XRCC4: variants seen among roughly 807,000 people sequenced by gnomAD.
The protein encoded by XRCC4 is DNA repair protein XRCC4.
XRCC4 carries 28 observed loss-of-function variants against 39.1 expected under a neutral mutation model. The ratio of observed to expected loss-of-function variants is 0.72; its 90% CI spans 0.53 to 0.98. The LOEUF is 0.98. XRCC4 is among the 50% of genes least tolerant of loss of function. The probability of loss-of-function intolerance (pLI) is 0.00; values close to 1 mark genes in which losing one functional copy is unlikely to be tolerated. For missense variants in XRCC4, 350 were observed against 376.4 expected (o/e 0.93, Z 0.58); for synonymous variants, 123 against 126.4 (o/e 0.97, Z 0.18).
chr5:83,202,874 T>C (rs1245419098), intron 4 of XRCC4, among the ~76,000 whole-genome samples: 1 of 152,214 alleles, frequency 6.6e-6, no homozygotes, highest in East Asian at 1.9e-4. Flanking sequence ...ATTTGAGCAG[T>C]ATGGGATGAA....
intron 1 of XRCC4, among the ~76,000 whole-genome samples, chr5:83,094,422 T>C (rs896132768): frequency 1.9e-4 from 27 of 145,014 alleles, no homozygotes; most frequent in African/African-American, 6.6e-4. Flanking sequence ...CCTCCCCTCT[T>C]CTTTCCTTTC....
At chr5:83,281,939 C>T (rs1365688899) in intron 7 of XRCC4, among the ~76,000 whole-genome samples, 1 of 152,118 alleles carries the variant, frequency 6.6e-6, no homozygotes, top group Non-Finnish European at 1.5e-5. Flanking sequence ...AGATCATTGT[C>T]CAAAGACAAC....
At chr5:83,176,035 T>TAAC (rs1190190328) in intron 3 of XRCC4, among the ~76,000 whole-genome samples, 2 of 151,222 alleles carry the variant, frequency 1.3e-5, no homozygotes, top group Non-Finnish European at 2.9e-5. Flanking sequence ...CTATATAAAA[T>TAAC]AATAATAATA....
intron 6 of XRCC4, among the ~76,000 whole-genome samples, chr5:83,206,502 G>C: frequency 6.6e-6 from 1 of 152,134 alleles, no homozygotes; most frequent in East Asian, 1.9e-4. Context: ...CATATTCACT[G>C]GATTGGTGAA....
chr5:83,287,928 T>C (rs1754789798), intron 7 of XRCC4, among the ~76,000 whole-genome samples: 1 of 151,800 alleles, frequency 6.6e-6, no homozygotes. Context: ...TTTAAGGCTA[T>C]AAATTTCCTC....
At chr5:83,275,199 A>G (rs1271461231) in intron 7 of XRCC4, among the ~76,000 whole-genome samples, 1 of 152,164 alleles carries the variant, frequency 6.6e-6, no homozygotes, top group Non-Finnish European at 1.5e-5. Context: ...AGCTTGAAAA[A>G]CTGGGTAAAT....
intron 7 of XRCC4, among the ~76,000 whole-genome samples, chr5:83,264,930 A>G (rs961622630): frequency 9.2e-5 from 14 of 152,144 alleles, no homozygotes; most frequent in Admixed American, 4.6e-4. Context: ...GGAAGGCTAT[A>G]ACAATTTGTA....
At chr5:83,090,087 G>T (rs1745353783) in intron 1 of XRCC4, among the ~76,000 whole-genome samples, 2 of 152,108 alleles carry the variant, frequency 1.3e-5, no homozygotes. Context: ...GTTTCACTCT[G>T]TCACCCAGGT....
At chr5:83,134,021 G>A (rs915392274) in intron 3 of XRCC4, among the ~76,000 whole-genome samples, 1 of 152,212 alleles carries the variant, frequency 6.6e-6, no homozygotes, top group African/African-American at 2.4e-5. Context: ...GTGAGCACGG[G>A]CTGGGCAAGC....
At chr5:83,128,534 T>C (rs1362939584) in intron 3 of XRCC4, among the ~76,000 whole-genome samples, 2 of 152,170 alleles carry the variant, frequency 1.3e-5, no homozygotes, top group Non-Finnish European at 2.9e-5. Context: ...TTCTAGATCC[T>C]TGAGGAATCA....
chr5:83,294,652 T>C (rs968822865), intron 7 of XRCC4, among the ~76,000 whole-genome samples: 6 of 152,052 alleles, frequency 3.9e-5, no homozygotes, highest in African/African-American at 1.4e-4. Context: ...GACTTCTGGT[T>C]GCCTTATTAG....
At chr5:83,366,858 C>T in the XRCC4 span, among the ~76,000 whole-genome samples, 2 of 152,158 alleles carry the variant, frequency 1.3e-5, no homozygotes, top group Non-Finnish European at 2.9e-5. Context: ...CCCAGACCAC[C>T]CTATGTAAAA....
At chr5:83,341,565 C>A (rs1449314850) in intron 7 of XRCC4, among the ~76,000 whole-genome samples, 1 of 152,070 alleles carries the variant, frequency 6.6e-6, no homozygotes, top group Non-Finnish European at 1.5e-5. Flanking sequence ...TCTTACAGAA[C>A]TACCTTTTGA....
chr5:83,289,934 C>T (rs1754859205), intron 7 of XRCC4, among the ~76,000 whole-genome samples: 1 of 151,780 alleles, frequency 6.6e-6, no homozygotes, highest in African/African-American at 2.4e-5. Context: ...TGTTCCTGGA[C>T]ATAAACTGTA....
intron 6 of XRCC4, among the ~76,000 whole-genome samples, chr5:83,255,908 G>T (rs929998101): frequency 6.6e-6 from 1 of 152,156 alleles, no homozygotes; most frequent in African/African-American, 2.4e-5. Flanking sequence ...ATCTCTAGGT[G>T]TAAATAGGCC....
chr5:83,120,810 A>G (rs944563507), intron 3 of XRCC4, among the ~76,000 whole-genome samples: 1 of 152,206 alleles, frequency 6.6e-6, no homozygotes, highest in African/African-American at 2.4e-5. Context: ...AATTTATAAA[A>G]TGTGCATATA....
chr5:83,130,256 A>G (rs946426376), intron 3 of XRCC4, among the ~76,000 whole-genome samples: 6 of 152,142 alleles, frequency 3.9e-5, no homozygotes, highest in African/African-American at 1.4e-4. Context: ...TTCTGTTTAT[A>G]TGATGGATCA....
chr5:83,311,914 G>A (rs967132243), intron 7 of XRCC4, among the ~76,000 whole-genome samples: 2 of 151,960 alleles, frequency 1.3e-5, no homozygotes, highest in Non-Finnish European at 2.9e-5. Context: ...TCATAAATAT[G>A]GAAAGAAAGT....
At chr5:83,090,337 G>A (rs1745364747) in intron 1 of XRCC4, among the ~76,000 whole-genome samples, 2 of 113,980 alleles carry the variant, frequency 1.8e-5, no homozygotes, top group South Asian at 5.8e-4. Flanking sequence ...TTATAAGGTG[G>A]TGGGGTTGGG....
Sources: gnomAD v4.1 joint callset for allele counts (sites outside exome capture counted in the v4.1 genomes callset) on GRCh38, gnomAD v4.1.1 for gene constraint, MANE v1.5 for transcripts, NCBI Gene and HGNC (gene_info 2026-07-23, HGNC 2026-07-21) for gene names.